OSBPL10: variants seen among roughly 807,000 people sequenced by gnomAD.
OSBPL10 encodes oxysterol-binding protein-related protein 10.
A neutral mutation model predicts 81.7 loss-of-function variants in OSBPL10; 49 were observed. That is an observed-to-expected ratio of 0.60 (90% CI 0.48 to 0.76). OSBPL10 has a LOEUF of 0.76. Ranked by LOEUF, OSBPL10 falls within the 30% of genes least tolerant of loss-of-function variation. The probability of loss-of-function intolerance (pLI) is 0.00; values close to 1 mark genes in which losing one functional copy is unlikely to be tolerated. For synonymous variants in OSBPL10, 419 were observed against 383.6 expected, an observed-to-expected ratio of 1.09 and a Z score of -1.08; for missense variants, 923 against 987.8, an observed-to-expected ratio of 0.93 and a Z score of 0.88.
At chr3:31,921,521 G>A (rs1470253985) in intron 1 of OSBPL10, among the ~76,000 whole-genome samples, 3 of 152,122 alleles carry the variant, frequency 2.0e-5, no homozygotes, top group Non-Finnish European at 4.4e-5. Context: ...CAACAAAAAT[G>A]GAAACATTTG....
intron 1 of OSBPL10, among the ~76,000 whole-genome samples, chr3:32,071,658 C>T (rs1439163640): frequency 1.3e-5 from 2 of 152,248 alleles, no homozygotes; most frequent in Non-Finnish European, 2.9e-5. Flanking sequence ...CTATGCTCAA[C>T]TCACTCTCTA....
chr3:31,674,693 T>A lies in OSBPL10; in HGVS notation c.1727-3710A>T, dbSNP rs56820684. 4.1e-3 allele frequency among the ~76,000 whole-genome samples: 619 copies of A among 152,284 alleles called. 2 individuals are homozygous for A. Among genetic ancestry groups the A allele is most frequent in the African/African-American group, 0.013 (543 of 41,568 alleles). On this transcript the variant is annotated intron_variant, in intron 8 of 11. Transcript: ENST00000396556. ...TTGCCATGTGACCCCCACACAGGGG[T>A]TCCCCTTCCTCTTCCACCACGAGTG...
At chr3:32,000,827 A>G (rs996580304) in intron 2 of OSBPL10, among the ~76,000 whole-genome samples, 2 of 152,150 alleles carry the variant, frequency 1.3e-5, no homozygotes, top group African/African-American at 2.4e-5. Context: ...TGCGGTTCAC[A>G]TGGGAAATAC....
intron 5 of OSBPL10, among the ~76,000 whole-genome samples, chr3:31,741,290 G>C (rs1251995666): frequency 1.3e-5 from 2 of 152,238 alleles, no homozygotes; most frequent in Non-Finnish European, 2.9e-5. Flanking sequence ...TTTTGAGACG[G>C]AGTCTCGCTC....
chr3:32,060,034 TG>T (rs1361791236), intron 1 of OSBPL10, among the ~76,000 whole-genome samples: 3 of 152,028 alleles, frequency 2.0e-5, no homozygotes, highest in African/African-American at 7.3e-5. Flanking sequence ...GTGATCTGGT[TG>T]GTGGTTACAC....
chr3:31,911,658 T>C (rs1315546755), intron 1 of OSBPL10, among the ~76,000 whole-genome samples: 1 of 150,768 alleles, frequency 6.6e-6, no homozygotes, highest in South Asian at 2.1e-4. Flanking sequence ...TTAAGAAAAG[T>C]TTACAAATTT....
At chr3:31,958,396 T>C (rs921098092) in intron 1 of OSBPL10, among the ~76,000 whole-genome samples, 6 of 152,190 alleles carry the variant, frequency 3.9e-5, no homozygotes, top group African/African-American at 1.4e-4. Flanking sequence ...CCTCACTAGA[T>C]CCAATGTAGT....
rs181899905 is a variant in OSBPL10 at position 32,055,262 on chromosome 3, G to A, written n.186-8659C>T. Among the ~76,000 whole-genome samples the A allele has an allele frequency of 3.3e-3, 479 of 143,394 alleles. 4 individuals are homozygous for A. The highest frequency in any genetic ancestry group is 5.4e-3 in the Non-Finnish European group (363 of 67,136). 94.1% of individuals were successfully genotyped at this position (143,394 alleles called of 152,430 possible). On this transcript the variant is annotated intron_variant and non_coding_transcript_variant, in intron 1 of 3. Transcript: ENST00000479173. Reference sequence around the variant, plus strand: ...TCTGTCGCCCAGGCTGGAGTGCAGTGGCGGGATCTCGGCTCACTGCATCCT... The same window carrying A: ...TCTGTCGCCCAGGCTGGAGTGCAGTAGCGGGATCTCGGCTCACTGCATCCT...
At chr3:31,783,607 A>C (rs1184438615) in intron 4 of OSBPL10, among the ~76,000 whole-genome samples, 1 of 150,492 alleles carries the variant, frequency 6.6e-6, no homozygotes, top group Non-Finnish European at 1.5e-5. Flanking sequence ...CCTGGCCAAC[A>C]TGGTGAAATC....
At chr3:31,671,121 C>G in intron 8 of OSBPL10, 138 bp from the exon 9 acceptor site, 2 of 811,516 alleles carry the variant, frequency 2.5e-6, no homozygotes, top group Non-Finnish European at 3.8e-6. Context: ...GTGAGCTGCT[C>G]GTTCACTGTG....
chr3:32,004,827 G>A (rs909942358), intron 2 of OSBPL10, among the ~76,000 whole-genome samples: 20 of 152,144 alleles, frequency 1.3e-4, no homozygotes, highest in African/African-American at 4.6e-4. Flanking sequence ...GAAAAGGATA[G>A]CTAGAATTTT....
intron 2 of OSBPL10, among the ~76,000 whole-genome samples, chr3:31,992,586 CCTT>C (rs1699046007): frequency 6.6e-6 from 1 of 152,204 alleles, no homozygotes; most frequent in Non-Finnish European, 1.5e-5. Context: ...CATTGCATCT[CCTT>C]CTCTGACTCT....
At chr3:31,948,560 C>T (rs1697769422) in intron 1 of OSBPL10, among the ~76,000 whole-genome samples, 1 of 152,206 alleles carries the variant, frequency 6.6e-6, no homozygotes, top group South Asian at 2.1e-4. Context: ...CATCCTCCGT[C>T]ATATAACTAA....
At chr3:31,811,114 G>A (rs1283923573) in intron 4 of OSBPL10, among the ~76,000 whole-genome samples, 2 of 150,106 alleles carry the variant, frequency 1.3e-5, no homozygotes, top group Non-Finnish European at 3.0e-5. Context: ...TTCTCCTGCA[G>A]TATTCCGCTA....
At chr3:32,055,394 G>T (rs887314809) in intron 1 of OSBPL10, among the ~76,000 whole-genome samples, 1 of 151,296 alleles carries the variant, frequency 6.6e-6, no homozygotes, top group African/African-American at 2.4e-5. Flanking sequence ...AGTAGAGATG[G>T]GGTTTCACCA....
At chr3:31,818,025 G>A (rs1375432647) in intron 4 of OSBPL10, among the ~76,000 whole-genome samples, 2 of 152,192 alleles carry the variant, frequency 1.3e-5, no homozygotes, top group African/African-American at 4.8e-5. Flanking sequence ...AGGATGGCTT[G>A]AGCCTGGGAG....
intron 4 of OSBPL10, among the ~76,000 whole-genome samples, chr3:31,783,806 AAAAAAAAAAAAAAAAAAATATATAT>A (rs1353023050): frequency 1.4e-5 from 1 of 71,008 alleles, no homozygotes; most frequent in Non-Finnish European, 2.6e-5. Flanking sequence ...AAAAAAAAAA[AAAAAAAAAAAAAAAAAAATATATAT>A]ATATATATAT....
At chr3:31,856,578 G>A (rs113061877) in intron 3 of OSBPL10, among the ~76,000 whole-genome samples, 26 of 152,208 alleles carry the variant, frequency 1.7e-4, no homozygotes, top group Middle Eastern at 3.4e-3. Flanking sequence ...TTGCTACTTC[G>A]GAAAACATAT....
intron 5 of OSBPL10, among the ~76,000 whole-genome samples, chr3:31,735,366 G>A (rs1053767234): frequency 5.9e-5 from 9 of 152,184 alleles, no homozygotes; most frequent in African/African-American, 2.2e-4. Flanking sequence ...ATTGAGCCCA[G>A]GAGGTCGAGG....
Sources: allele counts gnomAD v4.1 joint callset (sites outside exome capture counted in the v4.1 genomes callset), GRCh38; gene constraint gnomAD v4.1.1; transcripts MANE v1.5; gene names NCBI Gene and HGNC (gene_info 2026-07-23, HGNC 2026-07-21).